The following CDH18 variants were observed in gnomAD, a reference collection of about 807,000 sequenced individuals.
CDH18 encodes the protein cadherin-18.
Under a neutral mutation model 67.9 loss-of-function variants are expected in CDH18, and 31 were observed. The observed-to-expected ratio is 0.46, with a 90% CI of 0.34 to 0.62. The LOEUF is 0.62. Ranked by LOEUF, CDH18 falls within the 20% of genes least tolerant of loss-of-function variation. The pLI is 0.01. For synonymous variants in CDH18, 362 were observed against 347.2 expected, an observed-to-expected ratio of 1.04 and a Z score of -0.48; for missense variants, 890 against 975.5, an observed-to-expected ratio of 0.91 and a Z score of 1.17.
chr5:20,317,905 A>T (rs1467953131), intron 1 of CDH18, among the ~76,000 whole-genome samples: 1 of 152,170 alleles, frequency 6.6e-6, no homozygotes, highest in Non-Finnish European at 1.5e-5. Flanking sequence ...TCTACTAAAA[A>T]CTAAAACAAA....
chr5:19,938,946 G>A (rs1438841425), intron 2 of CDH18, among the ~76,000 whole-genome samples: 2 of 150,854 alleles, frequency 1.3e-5, no homozygotes, highest in African/African-American at 2.4e-5. Flanking sequence ...AATTTTTAAT[G>A]TACTTAAATA....
intron 8 of CDH18, among the ~76,000 whole-genome samples, chr5:19,560,657 T>C (rs1739280804): frequency 6.6e-6 from 1 of 151,738 alleles, no homozygotes; most frequent in African/African-American, 2.4e-5. Context: ...CAAAGATAAA[T>C]AGATGGAACT....
chr5:20,092,532 T>G (rs2150562317), intron 2 of CDH18, among the ~76,000 whole-genome samples: 1 of 152,328 alleles, frequency 6.6e-6, no homozygotes, highest in African/African-American at 2.4e-5. Flanking sequence ...CTTAATAAAT[T>G]AATTCACATA....
Position 20,328,048 on chromosome 5 carries a change from A to C in CDH18, c.-579-72543T>G, listed in dbSNP as rs115949027. On this transcript the variant is annotated intron_variant, in intron 1 of 14. Transcript: ENST00000507958. ...AGACTTAGCATGTTAGAAAATAAGA[A>C]GTCCACCTTGCTACGGAGAAATAAG... Among the ~76,000 whole-genome samples, 638 of 152,242 alleles carry C rather than the reference A, an allele frequency of 4.2e-3. 1 individual carries two copies. The highest frequency in any genetic ancestry group is 0.014 in the African/African-American group (597 of 41,538).
At chr5:20,252,919 G>C (rs1743967802) in intron 2 of CDH18, among the ~76,000 whole-genome samples, 1 of 147,792 alleles carries the variant, frequency 6.8e-6, no homozygotes, top group Admixed American at 6.9e-5. Context: ...CTGGGCAACA[G>C]AGCGAGACTC....
At chr5:19,870,540 T>C (rs545804359) in intron 2 of CDH18, among the ~76,000 whole-genome samples, 2 of 152,244 alleles carry the variant, frequency 1.3e-5, no homozygotes, top group South Asian at 2.1e-4. Flanking sequence ...TGTTATAAGA[T>C]GCTGAGACTT....
At chr5:20,172,239 T>TATATATATATATATAC (rs1491444874) in intron 2 of CDH18, among the ~76,000 whole-genome samples, 1 of 54,458 alleles carries the variant, frequency 1.8e-5, no homozygotes, top group Non-Finnish European at 3.7e-5. Flanking sequence ...TATATATATA[T>TATATATATATATATAC]GTATATATAT....
At chr5:19,643,253 G>GA (rs1754282180) in intron 5 of CDH18, among the ~76,000 whole-genome samples, 1 of 152,016 alleles carries the variant, frequency 6.6e-6, no homozygotes, top group South Asian at 2.1e-4. Context: ...AATTGGCACA[G>GA]AAATTATGAA....
At chr5:19,820,814 A>G (rs540364162) in intron 3 of CDH18, among the ~76,000 whole-genome samples, 4 of 152,340 alleles carry the variant, frequency 2.6e-5, no homozygotes, top group Non-Finnish European at 2.9e-5. Flanking sequence ...CCAAGGCAGG[A>G]AGCCAGCTAC....
intron 2 of CDH18, among the ~76,000 whole-genome samples, chr5:20,199,772 T>C (rs1255155868): frequency 6.6e-6 from 1 of 152,046 alleles, no homozygotes; most frequent in African/African-American, 2.4e-5. Context: ...CAATAGGAGG[T>C]AATTGAATCA....
At chr5:19,513,879 G>A (rs1745508669) in intron 10 of CDH18, among the ~76,000 whole-genome samples, 1 of 151,680 alleles carries the variant, frequency 6.6e-6, no homozygotes, top group South Asian at 2.1e-4. Context: ...TAAGTTCTAG[G>A]GTACATGTGC....
At chr5:19,952,386 C>G (rs1473425265) in intron 2 of CDH18, among the ~76,000 whole-genome samples, 1 of 152,110 alleles carries the variant, frequency 6.6e-6, no homozygotes, top group Non-Finnish European at 1.5e-5. Flanking sequence ...AGAGGCAGAA[C>G]CCTAACCTAA....
intron 6 of CDH18, among the ~76,000 whole-genome samples, chr5:19,604,642 G>C (rs1214906665): frequency 6.6e-6 from 1 of 150,948 alleles, no homozygotes; most frequent in East Asian, 1.9e-4. Context: ...AAGCATTGTG[G>C]TTGGCTCTAC....
At chr5:19,755,413 A>G (rs1771407143) in intron 3 of CDH18, among the ~76,000 whole-genome samples, 1 of 110,784 alleles carries the variant, frequency 9.0e-6, no homozygotes, top group African/African-American at 2.9e-5. Flanking sequence ...CTCTAGAGGG[A>G]CAGAACTAAC....
chr5:19,586,143 A>C (rs1297888479), intron 7 of CDH18, among the ~76,000 whole-genome samples: 1 of 152,152 alleles, frequency 6.6e-6, no homozygotes, highest in Admixed American at 6.6e-5. Context: ...ATACTCTAAC[A>C]AATATTAGTT....
At chr5:19,674,929 G>T (rs1759257884) in intron 5 of CDH18, among the ~76,000 whole-genome samples, 1 of 152,084 alleles carries the variant, frequency 6.6e-6, no homozygotes, top group South Asian at 2.1e-4. Context: ...ATTTATCACG[G>T]GAAATTCAGC....
At chr5:20,072,105 G>C (rs1347601430) in intron 2 of CDH18, among the ~76,000 whole-genome samples, 1 of 151,994 alleles carries the variant, frequency 6.6e-6, no homozygotes, top group Non-Finnish European at 1.5e-5. Context: ...TCATTCTTTT[G>C]CCTCAACAAG....
At chr5:19,526,698 T>C (rs1747798006) in intron 9 of CDH18, among the ~76,000 whole-genome samples, 1 of 152,098 alleles carries the variant, frequency 6.6e-6, no homozygotes, top group Non-Finnish European at 1.5e-5. Context: ...TCTATGAGTG[T>C]ATGCCTTCTA....
chr5:20,462,407 G>T (rs1241325724), intron 1 of CDH18, among the ~76,000 whole-genome samples: 2 of 152,112 alleles, frequency 1.3e-5, no homozygotes, highest in East Asian at 3.9e-4. Context: ...ACAGTTGGAA[G>T]ATACAAGTTC....
Sources: allele counts gnomAD v4.1 joint callset (sites outside exome capture counted in the v4.1 genomes callset), GRCh38; gene constraint gnomAD v4.1.1; transcripts MANE v1.5; gene names NCBI Gene and HGNC (gene_info 2026-07-23, HGNC 2026-07-21).